The following AGBL1 variants were observed in gnomAD, a reference collection of about 807,000 sequenced individuals.
AGBL1 encodes cytosolic carboxypeptidase 4.
AGBL1 carries 130 observed loss-of-function variants against 118.9 expected under a neutral mutation model. The observed-to-expected ratio is 1.09, with a 90% CI of 0.95 to 1.26. The LOEUF is 1.26. AGBL1 is among the 50% of genes most tolerant of loss of function. The probability of loss-of-function intolerance (pLI) is 0.00; values close to 1 mark genes in which losing one functional copy is unlikely to be tolerated. For missense variants in AGBL1, 1,584 were observed against 1,298.1 expected, an observed-to-expected ratio of 1.22 and a Z score of -3.38; for synonymous variants, 555 against 478.9, an observed-to-expected ratio of 1.16 and a Z score of -2.08.
intron 24 of AGBL1, among the ~76,000 whole-genome samples, chr15:87,024,240 G>A (rs901389930): frequency 6.6e-6 from 1 of 151,876 alleles, no homozygotes; most frequent in Admixed American, 6.6e-5. Context: ...CCATTAGCAA[G>A]ATTAACCAAG....
chr15:86,132,798 C>T (rs888749289), intron 1 of AGBL1, among the ~76,000 whole-genome samples: 1 of 152,162 alleles, frequency 6.6e-6, no homozygotes, highest in African/African-American at 2.4e-5. Context: ...TGCAATCTCA[C>T]CCTCTTGAGA....
intron 22 of AGBL1, among the ~76,000 whole-genome samples, chr15:86,799,799 C>A (rs1198700395): frequency 6.6e-6 from 1 of 152,076 alleles, no homozygotes; most frequent in Non-Finnish European, 1.5e-5. Context: ...CTAATCATTA[C>A]CTTGTAATGA....
intron 22 of AGBL1, among the ~76,000 whole-genome samples, chr15:86,695,814 AATAACT>A (rs2086245902): frequency 6.6e-6 from 1 of 151,924 alleles, no homozygotes; most frequent in South Asian, 2.1e-4. Context: ...GTTCAGTTCA[AATAACT>A]TTTTAATTTC....
At chr15:86,619,182 T>C (rs2084771184) in intron 21 of AGBL1, among the ~76,000 whole-genome samples, 1 of 152,154 alleles carries the variant, frequency 6.6e-6, no homozygotes. Context: ...GAGATACTTA[T>C]TATCAATTAT....
chr15:86,775,705 A>C (rs908222720), intron 22 of AGBL1, among the ~76,000 whole-genome samples: 1 of 152,152 alleles, frequency 6.6e-6, no homozygotes, highest in African/African-American at 2.4e-5. Context: ...TTACATTTTT[A>C]ACTCATGCCA....
chr15:86,135,542 G>A (rs2076877816), intron 1 of AGBL1, among the ~76,000 whole-genome samples: 1 of 152,130 alleles, frequency 6.6e-6, no homozygotes, highest in African/African-American at 2.4e-5. Context: ...TTTACATCCT[G>A]GCATCGAGAA....
intron 22 of AGBL1, among the ~76,000 whole-genome samples, chr15:86,856,325 T>C (rs968049321): frequency 6.6e-6 from 1 of 152,148 alleles, no homozygotes; most frequent in Admixed American, 6.5e-5. Flanking sequence ...AGCACAAATA[T>C]CCCCAATTGC....
In AGBL1 at chr15:86,194,243, G is replaced by A. The variant is rs372389106; in HGVS notation, c.489-30671G>A. Among the ~76,000 whole-genome samples, 7 of 152,064 alleles carry A rather than the reference G, an allele frequency of 4.6e-5. No individual in the cohort carries two copies. The East Asian group carries it at 5.8e-4, about 13-fold the overall frequency. ...AGATTTTTCAAAAACCTCTCTCCTCGTATATCAATTATTCCACTCCCTTAA... is the reference window on the plus strand; with the variant it reads ...AGATTTTTCAAAAACCTCTCTCCTCATATATCAATTATTCCACTCCCTTAA... On this transcript the variant is annotated intron_variant, in intron 5 of 22. Coordinates refer to ENST00000614907, the MANE Select transcript of AGBL1 (RefSeq NM_001386094.1).
chr15:86,735,651 G>GATATATATATATATATATATATATAT (rs1196938111), intron 22 of AGBL1, among the ~76,000 whole-genome samples: 3 of 111,122 alleles, frequency 2.7e-5, no homozygotes, highest in African/African-American at 1.3e-4. Flanking sequence ...CTGCTACAAA[G>GATATATATATATATATATATATATAT]AGAGATATAT....
intron 17 of AGBL1, among the ~76,000 whole-genome samples, chr15:86,334,659 T>G (rs1373502813): frequency 6.7e-6 from 1 of 150,352 alleles, no homozygotes; most frequent in African/African-American, 2.4e-5. Context: ...AAAAAAAAAC[T>G]ATTCTAAAAT....
chr15:86,984,130 T>C lies in AGBL1; in HGVS notation c.3222-3857T>C, dbSNP rs1327115111. ...CCAACGTGTTAGTACTCATGTTACA[T>C]TCCCACCAGAAATGTAGGGAGGTTT... On this transcript the variant is annotated intron_variant, in intron 23 of 24. Transcript: ENST00000441037. Among the ~76,000 whole-genome samples the C allele has an allele frequency of 3.3e-5, 5 of 152,152 alleles. No homozygotes were observed. In the East Asian group the frequency reaches 9.7e-4, roughly 29 times the overall value.
intron 21 of AGBL1, among the ~76,000 whole-genome samples, chr15:86,646,185 T>C (rs911100743): frequency 3.9e-5 from 6 of 152,194 alleles, no homozygotes; most frequent in African/African-American, 1.4e-4. Context: ...AGAATATGCA[T>C]CAGGGCAGAA....
At chr15:86,833,004 T>G (rs2079126506) in intron 22 of AGBL1, among the ~76,000 whole-genome samples, 1 of 152,168 alleles carries the variant, frequency 6.6e-6, no homozygotes, top group Non-Finnish European at 1.5e-5. Context: ...CAAAGTCATG[T>G]CTTACAAGGC....
At chr15:86,966,471 C>T (rs1192456367) in intron 23 of AGBL1, among the ~76,000 whole-genome samples, 2 of 152,008 alleles carry the variant, frequency 1.3e-5, no homozygotes, top group Admixed American at 6.6e-5. Flanking sequence ...GCTATCCCTC[C>T]CTGCTCCCAC....
In AGBL1 at chr15:86,915,762, T is replaced by A. The variant is rs1324088928; in HGVS notation, c.*8468T>A. The A allele has an allele frequency of 6.6e-6, 1 of 152,112 alleles. No homozygotes were observed. The highest frequency in any genetic ancestry group is 1.5e-5 in the Non-Finnish European group (1 of 68,040). 9.4% of individuals were successfully genotyped at this position (152,112 alleles called of 1,614,324 possible). On this transcript the variant is annotated 3_prime_UTR_variant, in exon 23 of 23. Coordinates refer to ENST00000614907, the MANE Select transcript of AGBL1 (RefSeq NM_001386094.1). ...AGATGTGGTGGGACTTCCATAAATA[T>A]GTGTTGAATGGTTGAGATCTTAATT...
chr15:86,391,373 A>T (rs1163082466), intron 17 of AGBL1, among the ~76,000 whole-genome samples: 1 of 151,832 alleles, frequency 6.6e-6, no homozygotes, highest in Non-Finnish European at 1.5e-5. Flanking sequence ...TTATATACAA[A>T]TTTTTCTCAT....
intron 1 of AGBL1, among the ~76,000 whole-genome samples, chr15:86,130,432 C>A (rs1050510335): frequency 7.9e-5 from 12 of 152,064 alleles, no homozygotes; most frequent in Non-Finnish European, 1.5e-4. Context: ...AAAATCGTGT[C>A]TTCTTATTTT....
At chr15:86,953,552 A>G (rs2080900622) in intron 23 of AGBL1, among the ~76,000 whole-genome samples, 1 of 151,774 alleles carries the variant, frequency 6.6e-6, no homozygotes, top group South Asian at 2.1e-4. Context: ...CACTATGCCC[A>G]GCTCAATTTT....
At chr15:86,838,941 T>TGAGAA (rs1269304671) in intron 22 of AGBL1, among the ~76,000 whole-genome samples, 1 of 48,006 alleles carries the variant, frequency 2.1e-5, no homozygotes, top group African/African-American at 9.0e-5. Flanking sequence ...TGAGATCCTG[T>TGAGAA]AAAAAAAAAA....
Sources: allele counts gnomAD v4.1 joint callset (sites outside exome capture counted in the v4.1 genomes callset), GRCh38; gene constraint gnomAD v4.1.1; transcripts MANE v1.5; gene names NCBI Gene and HGNC (gene_info 2026-07-23, HGNC 2026-07-21).